NDUFB1: variants seen among roughly 807,000 people sequenced by gnomAD.
NDUFB1 encodes the protein NADH dehydrogenase [ubiquinone] 1 beta subcomplex subunit 1.
A neutral mutation model predicts 6.7 loss-of-function variants in NDUFB1; 6 were observed. The ratio of observed to expected loss-of-function variants is 0.89; its 90% CI spans 0.49 to 1.76. The LOEUF (loss-of-function observed/expected upper bound fraction) is 1.76, where lower values mean the gene tolerates loss of function less well. NDUFB1 is among the 40% of genes most tolerant of loss of function. The pLI is 0.01. For synonymous variants in NDUFB1, 17 were observed against 22.9 expected (o/e 0.74, Z 0.74); for missense variants, 56 against 71.0 (o/e 0.79, Z 0.76).
At chr14:92,117,722 G>C (rs1469174402) in intron 1 of NDUFB1, 80 bp from the exon 2 acceptor site, 1 of 1,378,076 alleles carries the variant, frequency 7.3e-7, no homozygotes, top group Non-Finnish European at 1.0e-6. Flanking sequence ...TCTGGGCCAG[G>C]TGCGGTGGTT....
chr14:92,119,470 C>G (rs1240233251), intron 1 of NDUFB1, among the ~76,000 whole-genome samples: 2 of 152,200 alleles, frequency 1.3e-5, no homozygotes, highest in Non-Finnish European at 2.9e-5. Flanking sequence ...CAGCTTCACT[C>G]TACAGCTCTG....
At chr14:92,121,515 CGGAAGCCCCGG>C (rs1414386746) in intron 1 of NDUFB1, 116 bp downstream of exon 1, 22 of 1,383,332 alleles carry the variant, frequency 1.6e-5, no homozygotes, top group Non-Finnish European at 2.1e-5. Flanking sequence ...CACCTTCGTT[CGGAAGCCCCGG>C]GGAAGCCCAG....
chr14:92,117,009 A>G (rs2068721749), intron 2 of NDUFB1, among the ~76,000 whole-genome samples: 1 of 152,206 alleles, frequency 6.6e-6, no homozygotes, highest in Non-Finnish European at 1.5e-5. Context: ...CTCTGCTGCC[A>G]GAGGAGCCAT....
intron 1 of NDUFB1, 145 bp downstream of exon 1, chr14:92,121,497 T>C (rs2068763201): frequency 1.6e-6 from 2 of 1,245,612 alleles, no homozygotes; most frequent in East Asian, 4.9e-5. Context: ...CCCATTTTCC[T>C]TTCCCGTCAC....
chr14:92,120,232 C>A (rs1012674667), intron 1 of NDUFB1: 3 of 152,112 alleles, frequency 2.0e-5, no homozygotes, highest in African/African-American at 7.2e-5. Flanking sequence ...CCTAGAAAGA[C>A]AATACATTAT....
rs3818263 is a variant in NDUFB1 at position 92,121,658 on chromosome 14, T to A, written c.-22A>T. On this transcript the variant is annotated 5_prime_UTR_variant, in exon 1 of 3. Transcript: ENST00000605997. ...CAAACCCACCTGCAGCCTCAGCGCC[T>A]ACAGCGACCCCGAGACCAAGGGCAA... is the stretch of plus-strand genomic sequence containing the variant. 5.0e-6 allele frequency: 8 copies of A among 1,609,404 alleles called. No homozygotes were observed. The highest frequency in any genetic ancestry group is 2.2e-5 in the East Asian group (1 of 44,592).
intron 1 of NDUFB1, chr14:92,121,313 C>A: frequency 2.2e-6 from 1 of 453,264 alleles, no homozygotes; most frequent in Non-Finnish European, 4.0e-6. Context: ...GGAGGGGAGG[C>A]AGCGTCTTCC....
intron 1 of NDUFB1, 49 bp from the exon 2 acceptor site, chr14:92,117,691 TGA>T (rs1239338974): frequency 2.5e-6 from 4 of 1,574,662 alleles, no homozygotes; most frequent in Non-Finnish European, 3.5e-6. Flanking sequence ...GTTTTTTTTT[TGA>T]AATAGCTTTT....
chr14:92,121,449 C>T, intron 1 of NDUFB1, 193 bp downstream of exon 1: 3 of 837,720 alleles, frequency 3.6e-6, no homozygotes, highest in Non-Finnish European at 5.4e-6. Context: ...TTTCCAAAAG[C>T]TCCGGCCCGG....
At chr14:92,117,677 C>T (rs1391569754) in intron 1 of NDUFB1, 35 bp from the exon 2 acceptor site, 7 of 1,584,246 alleles carry the variant, frequency 4.4e-6, no homozygotes, top group Middle Eastern at 1.7e-4. Flanking sequence ...AATACAACTG[C>T]TTTGTTTTTT....
At position 92,116,137 on chromosome 14, in the gene NDUFB1, T is replaced by C; in HGVS notation, c.*56A>G. 2 of 1,468,060 alleles carry C rather than the reference T, an allele frequency of 1.4e-6. No homozygotes were observed. The highest frequency in any genetic ancestry group is 9.5e-7 in the Non-Finnish European group (1 of 1,048,608). 90.9% of individuals were successfully genotyped at this position (1,468,060 alleles called of 1,614,324 possible). Reference sequence around the variant, plus strand: ...AAAGAAAGACATTTCAGATTCTTCATGTTTTTATTTCTCTCAGAACTTTAA... The same window carrying C: ...AAAGAAAGACATTTCAGATTCTTCACGTTTTTATTTCTCTCAGAACTTTAA... On this transcript the variant is annotated 3_prime_UTR_variant, in exon 3 of 3. Coordinates refer to ENST00000605997, the MANE Select transcript of NDUFB1 (RefSeq NM_004545.4).
chr14:92,117,591 A>G lies in NDUFB1; in HGVS notation c.47T>C (p.Leu16Pro), dbSNP rs1481181221. 2 of 1,614,200 alleles carry G rather than the reference A, an allele frequency of 1.2e-6. No individual in the cohort carries two copies. Among genetic ancestry groups the G allele is most frequent in the Non-Finnish European group, 1.7e-6 (2 of 1,180,016 alleles). The change falls in exon 2 of 3, where the codon CTT becomes CCT. Residue 16 changes from leucine (L) to proline (P), a missense_variant. Leu to Pro is a moderately conservative substitution (Grantham distance 98). Transcript: ENST00000605997. ...TCCAATGACAAATCCCATAGGGACA[A>G]GAACATGAACCCAGTGGTCCCGCAC... ...QIVRDHWVHV[L>P]VPMGFVIGCY...
chr14:92,116,172 A>G lies in NDUFB1; in HGVS notation c.*21T>C, dbSNP rs1379943222. 1 of 1,605,418 alleles carries G rather than the reference A, an allele frequency of 6.2e-7. No individual in the cohort carries two copies. The highest frequency in any genetic ancestry group is 2.2e-5 in the East Asian group (1 of 44,832). ...TCTCTCAGAACTTTAAAATGTGAAC[A>G]TTCGATAATCTAGCCAGTCTTTACT... On this transcript the variant is annotated 3_prime_UTR_variant, in exon 3 of 3. Transcript: ENST00000605997.
At chr14:92,116,420 A>C (rs1434841327) in intron 2 of NDUFB1, among the ~76,000 whole-genome samples, 191 bp from the exon 3 acceptor site, 1 of 138,416 alleles carries the variant, frequency 7.2e-6, no homozygotes, top group Non-Finnish European at 1.5e-5. Flanking sequence ...TGCAAACTCC[A>C]CCTCCTGGCT....
chr14:92,119,151 A>C (rs2068736059), intron 1 of NDUFB1, among the ~76,000 whole-genome samples: 1 of 151,948 alleles, frequency 6.6e-6, no homozygotes, highest in Admixed American at 6.6e-5. Context: ...GTCTCTACAA[A>C]AAATCAAAAA....
At position 92,116,133 on chromosome 14, in the gene NDUFB1, TTCA is replaced by T; in HGVS notation, c.*57_*59del. On this transcript the variant is annotated 3_prime_UTR_variant, in exon 3 of 3. Coordinates refer to ENST00000605997, the MANE Select transcript of NDUFB1 (RefSeq NM_004545.4). ...ATGAAAAGAAAGACATTTCAGATTC[TTCA>T]TGTTTTTATTTCTCTCAGAACTTTA... 3 of 1,449,148 alleles carry T rather than the reference TTCA, an allele frequency of 2.1e-6. No homozygotes were observed. Among genetic ancestry groups the T allele is most frequent in the Non-Finnish European group, 2.9e-6 (3 of 1,031,554 alleles). The allele number at this position is 1,449,148 out of a possible 1,614,324, so 89.8% of individuals were successfully genotyped here. A position where few individuals can be genotyped will look rare whatever the true frequency, so the allele number is the denominator to read the frequency against.
Position 92,117,660 on chromosome 14 carries a change from T to A in NDUFB1, c.-5-18A>T. The A allele has an allele frequency of 6.2e-7, 1 of 1,605,326 alleles. No homozygotes were observed. Among genetic ancestry groups the A allele is most frequent in the Non-Finnish European group, 8.5e-7 (1 of 1,177,700 alleles). ...CATGATAGCTAAAAGAAAAAAAAAT[T>A]ATCAGAAATACAACTGCTTTGTTTT... On this transcript the variant is annotated intron_variant, in intron 1 of 2. Coordinates refer to ENST00000605997, the MANE Select transcript of NDUFB1 (RefSeq NM_004545.4).
chr14:92,121,411 T>C (rs2068762019), intron 1 of NDUFB1: 10 of 658,434 alleles, frequency 1.5e-5, no homozygotes, highest in Non-Finnish European at 2.0e-5. Context: ...TACGGACGTT[T>C]TCCTGTTATG....
Position 92,119,368 on chromosome 14 carries a change from T to C in NDUFB1, c.-5-1726A>G, listed in dbSNP as rs201310960. Among the ~76,000 whole-genome samples the C allele has an allele frequency of 8.6e-5, 13 of 152,000 alleles. No homozygotes were observed. In the East Asian group the frequency reaches 1.5e-3, roughly 18 times the overall value. On this transcript the variant is annotated intron_variant, in intron 1 of 2. Coordinates refer to ENST00000605997, the MANE Select transcript of NDUFB1 (RefSeq NM_004545.4). The stretch of plus-strand genomic sequence containing the variant: ...GTACCAGAGCCATCATCTATTTCTA[T>C]ACGTAATGTGAAATAACTATTATTT...
Sources: gnomAD v4.1 joint callset for allele counts (sites outside exome capture counted in the v4.1 genomes callset) on GRCh38, gnomAD v4.1.1 for gene constraint, MANE v1.5 for transcripts, NCBI Gene and HGNC (gene_info 2026-07-23, HGNC 2026-07-21) for gene names.